FBN3: variants seen among roughly 807,000 people sequenced by gnomAD.
FBN3 encodes the protein fibrillin 3.
In FBN3, 234 loss-of-function variants were observed where a neutral mutation model predicts 330.1. The observed-to-expected ratio is 0.71, with a 90% confidence interval of 0.64 to 0.79. The LOEUF is 0.79. FBN3 is among the 30% of genes least tolerant of loss of function. FBN3 has a pLI of 0.00. For synonymous variants in FBN3, 1,458 were observed against 1,517.3 expected (o/e 0.96, Z 0.91); for missense variants, 3,606 against 3,886.9 (o/e 0.93, Z 1.92).
chr19:8,119,342 A>G (rs1007618013), intron 25 of FBN3, among the ~76,000 whole-genome samples: 4 of 152,212 alleles, frequency 2.6e-5, no homozygotes, highest in Admixed American at 2.6e-4. Context: ...GCTGAGGCTC[A>G]GTCCCGCCAG....
intron 3 of FBN3, among the ~76,000 whole-genome samples, chr19:8,146,592 G>A (rs2083551933): frequency 6.6e-6 from 1 of 151,684 alleles, no homozygotes; most frequent in African/African-American, 2.4e-5. Flanking sequence ...CAGAAAGAGA[G>A]GGTGAGGCCA....
intron 51 of FBN3, 85 bp downstream of exon 51, chr19:8,089,460 C>T (rs2082042983): frequency 3.3e-6 from 5 of 1,523,014 alleles, no homozygotes; most frequent in Non-Finnish European, 4.5e-6. Context: ...CACCCACTGC[C>T]TGGGGGTGTC....
At position 8,111,667 on chromosome 19, in the gene FBN3, C is replaced by T; in HGVS notation, c.4065G>A (p.Gly1355=). 2 of 1,610,444 alleles carry T rather than the reference C, an allele frequency of 1.2e-6. No individual in the cohort carries two copies. The highest frequency in any genetic ancestry group is 1.1e-5 in the South Asian group (1 of 90,926). The change falls in exon 32 of 64, where the codon GGG becomes GGA. Residue 1355 remains glycine (G), a synonymous_variant. Transcript: ENST00000600128. ...YRCTCRQGFA[G]DGFFCEDRDE... The stretch of plus-strand genomic sequence containing the variant: ...TCTCACCTTCGCAGAAGAAGCCATC[C>T]CCGGCAAAGCCCTGGCGGCAGGTGC...
chr19:8,131,742 C>A lies in FBN3; in HGVS notation c.1802G>T (p.Gly601Val), dbSNP rs747885195. 6 of 1,613,548 alleles carry A rather than the reference C, an allele frequency of 3.7e-6. No individual in the cohort carries two copies. Among genetic ancestry groups the A allele is most frequent in the South Asian group, 3.3e-5 (3 of 91,028 alleles). Residue 601 changes from glycine to valine, a missense_variant, in exon 15 of 64, where the codon GGG becomes GTG. By Grantham distance (109) the Gly-to-Val change is moderately radical. Transcript: ENST00000600128. The surrounding 1 kb of genome is among the most constrained non-coding windows in gnomAD (Gnocchi z 4.5). ...GCGGCCATCCGTGCCTACCGCCAGC[C>A]CCCCCAGGCACTGGCAGCGGAAGGA... Reference protein sequence around the residue: ...EGSFRCQCLGGLAVGTDGRVC... With the variant: ...EGSFRCQCLGVLAVGTDGRVC...
chr19:8,111,621 C>CCCGG, intron 32 of FBN3, 27 bp downstream of exon 32: 1 of 1,474,712 alleles, frequency 6.8e-7, no homozygotes, highest in Non-Finnish European at 9.4e-7. Context: ...CTCTAGGGCC[C>CCCGG]CTGCCCTCCC....
intron 46 of FBN3, 118 bp downstream of exon 46, chr19:8,095,257 A>C: frequency 8.9e-7 from 1 of 1,122,308 alleles, no homozygotes. Context: ...TTTTTTTTAA[A>C]TCTTAAAATA....
chr19:8,112,159 T>C, intron 30 of FBN3, 60 bp from the exon 31 acceptor site: 1 of 1,558,782 alleles, frequency 6.4e-7, no homozygotes, highest in Non-Finnish European at 8.8e-7. Context: ...CTCGATGCAA[T>C]AGCAGCGGAA....
chr19:8,118,026 A>T (rs1041563732), intron 26 of FBN3, among the ~76,000 whole-genome samples: 5 of 151,892 alleles, frequency 3.3e-5, no homozygotes, highest in African/African-American at 1.2e-4. Context: ...ACACACAGAC[A>T]CACAAACACC....
Position 8,065,737 on chromosome 19 carries a change from C to T in FBN3, c.*182G>A, listed in dbSNP as rs1297177771. ...CAGGAAAGACTGAGTAACTGGGGGG[C>T]CCCCGGGGCTGGCACAGAGGCCCAG... is the stretch of plus-strand genomic sequence containing the variant. On this transcript the variant is annotated 3_prime_UTR_variant, in exon 64 of 64. Coordinates refer to ENST00000600128, the MANE Select transcript of FBN3 (RefSeq NM_032447.5). 2 of 583,824 alleles carry T rather than the reference C, an allele frequency of 3.4e-6. No individual in the cohort carries two copies. The highest frequency in any genetic ancestry group is 3.8e-5 in the African/African-American group (2 of 53,268). 36.2% of individuals were successfully genotyped at this position (583,824 alleles called of 1,614,324 possible).
chr19:8,129,517 C>T lies in FBN3; in HGVS notation c.2045-152G>A, dbSNP rs982316907. ...GACCCGGCCTCATTCTGCTCTAAAC[C>T]GAGGTTTCTCAGCCTGGACACTGCT... On this transcript the variant is annotated intron_variant, in intron 16 of 63. Coordinates refer to ENST00000600128, the MANE Select transcript of FBN3 (RefSeq NM_032447.5). The surrounding 1 kb of genome is among the most constrained non-coding windows in gnomAD (Gnocchi z 4.5). The T allele has an allele frequency of 3.3e-5, 34 of 1,023,852 alleles. No homozygotes were observed. The highest frequency in any genetic ancestry group is 2.9e-4 in the African/African-American group (18 of 61,384). 63.4% of individuals were successfully genotyped at this position (1,023,852 alleles called of 1,614,324 possible).
At chr19:8,134,655 C>T (rs551300863) in intron 13 of FBN3, among the ~76,000 whole-genome samples, 5 of 152,214 alleles carry the variant, frequency 3.3e-5, no homozygotes, top group East Asian at 3.9e-4. Flanking sequence ...AATACATGGC[C>T]GGGCGCAATG....
At chr19:8,135,936 G>GGGGGGGGGGGGGGGGGCGCCCCCCCCCC in intron 13 of FBN3, 25 bp downstream of exon 13, 1 of 668,776 alleles carries the variant, frequency 1.5e-6, no homozygotes, top group Non-Finnish European at 2.4e-6. Flanking sequence ...GGAAGCCCCT[G>GGGGGGGGGGGGGGGGGCGCCCCCCCCCC]CCCACCCGCC....
rs1021375761 is a variant in FBN3 at position 8,118,609 on chromosome 19, G to A, written c.3337+288C>T. On this transcript the variant is annotated intron_variant, in intron 26 of 63. Transcript: ENST00000600128. The stretch of plus-strand genomic sequence containing the variant: ...TCCTCACATACAAACACTCCCCCTT[G>A]TACAGACACACAGTCACACAAATGC... Among the ~76,000 whole-genome samples, 3 of 134,564 alleles carry A rather than the reference G, an allele frequency of 2.2e-5. 1 individual carries two copies. Among genetic ancestry groups the A allele is most frequent in the Admixed American group, 7.3e-5 (1 of 13,674 alleles). 88.3% of individuals were successfully genotyped at this position (134,564 alleles called of 152,430 possible).
In FBN3 at chr19:8,126,522, A is replaced by C; in HGVS notation, c.2500T>G (p.Cys834Gly). 2 of 1,613,266 alleles carry C rather than the reference A, an allele frequency of 1.2e-6. No individual in the cohort carries two copies. The highest frequency in any genetic ancestry group is 1.7e-6 in the Non-Finnish European group (2 of 1,179,816). ...CAGGCTGCCCCGAGGGTGGCGCAGC[A>C]CTCAGACCGCAGGCTGGCTCCCTGA... ...NLQGASLRSE[C>G]CATLGAAWGS... The change falls in exon 20 of 64, where the codon TGC becomes GGC. Residue 834 changes from cysteine to glycine, a missense_variant. Cys to Gly is a radical substitution (Grantham distance 159). Transcript: ENST00000600128.
Position 8,129,440 on chromosome 19 carries a change from C to A in FBN3, c.2045-75G>T, listed in dbSNP as rs758313157. On this transcript the variant is annotated intron_variant, in intron 16 of 63. Transcript: ENST00000600128. The surrounding 1 kb of genome is among the most constrained non-coding windows in gnomAD (Gnocchi z 4.5). ...GAGGCAGGAGGAGGGTGTGTCGCGGCGCACCAGGGGTCTCTAGAAGTCAGA... is the reference window on the plus strand; with the variant it reads ...GAGGCAGGAGGAGGGTGTGTCGCGGAGCACCAGGGGTCTCTAGAAGTCAGA... 7.6e-6 allele frequency: 12 copies of A among 1,572,178 alleles called. No homozygotes were observed. The East Asian group carries it at 2.2e-4, about 29-fold the overall frequency.
chr19:8,103,775 C>A, intron 38 of FBN3, 88 bp from the exon 39 acceptor site: 1 of 1,315,074 alleles, frequency 7.6e-7, no homozygotes, highest in Non-Finnish European at 1.1e-6. Flanking sequence ...AGCAAGGCCA[C>A]TTCACCAGGG....
chr19:8,085,464 C>T lies in FBN3; in HGVS notation c.6986G>A (p.Gly2329Asp). Residue 2329 changes from glycine to aspartate, a missense_variant, in exon 56 of 64, where the codon GGC becomes GAC. Gly to Asp is a moderately conservative substitution (Grantham distance 94). Coordinates refer to ENST00000600128, the MANE Select transcript of FBN3 (RefSeq NM_032447.5). ...CTCGCAGCGGGGCCCCCAGCCCCGGCCACCCCCACAGCAGCACTCGGCCCT... is the reference window on the plus strand; with the variant it reads ...CTCGCAGCGGGGCCCCCAGCCCCGGTCACCCCCACAGCAGCACTCGGCCCT... Reference protein sequence around the residue: ...VTRAECCCGGGRGWGPRCELC... With the variant: ...VTRAECCCGGDRGWGPRCELC... 1.3e-6 allele frequency: 2 copies of T among 1,581,468 alleles called. No homozygotes were observed. The highest frequency in any genetic ancestry group is 1.3e-5 in the African/African-American group (1 of 74,348).
At position 8,123,432 on chromosome 19, in the gene FBN3, C is replaced by T. The variant is rs770260963; in HGVS notation, c.3082+32G>A. The T allele has an allele frequency of 1.9e-5, 30 of 1,606,692 alleles. No individual in the cohort carries two copies. In the African/African-American group the frequency reaches 2.3e-4, roughly 12 times the overall value. ...AGGCCCCTATCCCTGCCAAGGATCA[C>T]GCTCTCTCCAAGAGGCAGAGGTGGC... is the stretch of plus-strand genomic sequence containing the variant. On this transcript the variant is annotated intron_variant, in intron 24 of 63. Transcript: ENST00000600128.
At chr19:8,107,663 T>C in intron 37 of FBN3, among the ~76,000 whole-genome samples, 1 of 144,028 alleles carries the variant, frequency 6.9e-6, no homozygotes, top group Non-Finnish European at 1.5e-5. Flanking sequence ...GATAAAAGGA[T>C]AAGAGAGGGA....
Sources: gnomAD v4.1 joint callset for allele counts (sites outside exome capture counted in the v4.1 genomes callset) on GRCh38, gnomAD v4.1.1 for gene constraint, Gnocchi (gnomAD v3.1) non-coding constraint, MANE v1.5 for transcripts, NCBI Gene and HGNC (gene_info 2026-07-23, HGNC 2026-07-21) for gene names.